The following TNKS variants were observed in gnomAD, a reference collection of about 807,000 sequenced individuals.
TNKS encodes the protein poly [ADP-ribose] polymerase tankyrase-1.
A neutral mutation model predicts 135.8 loss-of-function variants in TNKS; 72 were observed. That is an observed-to-expected ratio of 0.53 (90% confidence interval 0.44 to 0.64). The LOEUF (loss-of-function observed/expected upper bound fraction) is 0.64. TNKS is among the 30% of genes least tolerant of loss of function. The pLI, the probability that TNKS is intolerant of heterozygous loss-of-function variation, is 0.00. For missense variants in TNKS, 1,769 were observed against 1,674.0 expected, an observed-to-expected ratio of 1.06 and a Z score of -0.99; for synonymous variants, 849 against 649.3, an observed-to-expected ratio of 1.31 and a Z score of -4.68.
intron 3 of TNKS, among the ~76,000 whole-genome samples, chr8:9,651,393 G>C (rs1046882866): frequency 6.6e-6 from 1 of 151,970 alleles, no homozygotes; most frequent in Non-Finnish European, 1.5e-5. Flanking sequence ...GAATGCCATC[G>C]GTCAAAGACC....
chr8:9,644,448 G>C (rs1028982935), intron 3 of TNKS, among the ~76,000 whole-genome samples: 9 of 152,086 alleles, frequency 5.9e-5, no homozygotes, highest in Non-Finnish European at 8.8e-5. Flanking sequence ...GCTGCTACTT[G>C]CTTGAACCTA....
chr8:9,570,377 A>G (rs78598051), intron 1 of TNKS, among the ~76,000 whole-genome samples: 11,224 of 151,374 alleles, frequency 0.074, 459 homozygotes, highest in South Asian at 0.17. Flanking sequence ...CCCTGAGCCA[A>G]TGAATGAAAC....
At chr8:9,618,931 C>T (rs932270782) in intron 3 of TNKS, among the ~76,000 whole-genome samples, 4 of 152,264 alleles carry the variant, frequency 2.6e-5, no homozygotes, top group African/African-American at 7.2e-5. Flanking sequence ...CATAAATGTT[C>T]CCAAAGACAT....
At chr8:9,578,203 C>G (rs1373771213) in intron 1 of TNKS, among the ~76,000 whole-genome samples, 1 of 152,160 alleles carries the variant, frequency 6.6e-6, no homozygotes, top group Non-Finnish European at 1.5e-5. Context: ...TGCACTCAGG[C>G]TTTATTCAGA....
Position 9,556,796 on chromosome 8 carries a change from G to A in TNKS, c.673+184G>A, listed in dbSNP as rs113195916. The A allele has an allele frequency of 6.5e-5, 28 of 431,130 alleles. 3 individuals carry two copies. Among genetic ancestry groups the A allele is most frequent in the African/African-American group, 5.2e-4 (25 of 48,270 alleles). The allele number at this position is 431,130 out of a possible 1,614,324, so 26.7% of individuals were successfully genotyped here. ...CCTGGGTGATGGGGGCGTGGTTGGG[G>A]GGGATAAGTGAATCCAAGGAATTCT... On this transcript the variant is annotated intron_variant, in intron 1 of 26. Transcript: ENST00000310430.
At chr8:9,743,126 A>G (rs1259585469) in intron 17 of TNKS, among the ~76,000 whole-genome samples, 1 of 152,192 alleles carries the variant, frequency 6.6e-6, no homozygotes, top group East Asian at 1.9e-4. Flanking sequence ...GCCTGGCCAC[A>G]TATCATTTTG....
chr8:9,602,257 C>G (rs1052817699), intron 2 of TNKS, among the ~76,000 whole-genome samples: 2 of 152,070 alleles, frequency 1.3e-5, no homozygotes, highest in African/African-American at 4.8e-5. Context: ...TGATTACTTA[C>G]GTAGACAGCA....
intron 3 of TNKS, among the ~76,000 whole-genome samples, chr8:9,649,093 A>G (rs1028793079): frequency 1.3e-5 from 2 of 152,244 alleles, no homozygotes; most frequent in African/African-American, 4.8e-5. Context: ...AGAAATTATT[A>G]TAATCATATA....
At position 9,761,704 on chromosome 8, in the gene TNKS, A is replaced by C. The variant is rs978873573; in HGVS notation, c.3274+68A>C. On this transcript the variant is annotated intron_variant, in intron 21 of 26. Transcript: ENST00000310430. ...TACAAGGTAAGTATTGGGGCTGATA[A>C]TTGAACTCAGGCAGTCCAGTCCCAG... 6.6e-6 allele frequency: 10 copies of C among 1,520,456 alleles called. No homozygotes were observed. In the African/African-American group the frequency reaches 1.4e-4, roughly 22 times the overall value. 94.2% of individuals were successfully genotyped at this position (1,520,456 alleles called of 1,614,324 possible).
chr8:9,654,777 T>C (rs1047431215), intron 3 of TNKS, among the ~76,000 whole-genome samples: 1 of 152,206 alleles, frequency 6.6e-6, no homozygotes, highest in Non-Finnish European at 1.5e-5. Context: ...GGAGCCAAGA[T>C]GGCCGAATAG....
intron 1 of TNKS, among the ~76,000 whole-genome samples, chr8:9,576,187 T>C (rs1797936938): frequency 6.6e-6 from 1 of 152,188 alleles, no homozygotes; most frequent in Non-Finnish European, 1.5e-5. Context: ...TAGTATATTA[T>C]TTCCTGCCCA....
intron 3 of TNKS, among the ~76,000 whole-genome samples, chr8:9,635,366 G>T (rs1209189386): frequency 6.6e-6 from 1 of 152,118 alleles, no homozygotes; most frequent in Non-Finnish European, 1.5e-5. Context: ...ATACATGAAC[G>T]AATGGGGAGG....
At chr8:9,719,812 A>G (rs1804787088) in intron 11 of TNKS, among the ~76,000 whole-genome samples, 1 of 152,206 alleles carries the variant, frequency 6.6e-6, no homozygotes, top group South Asian at 2.1e-4. Flanking sequence ...TCCTGTGTAT[A>G]ATAACTCTTC....
chr8:9,586,205 A>G (rs35017872), intron 2 of TNKS, among the ~76,000 whole-genome samples: 16,764 of 152,212 alleles, frequency 0.11, 1,340 homozygotes, highest in Admixed American at 0.24. Context: ...ATGCAAGAAA[A>G]AATAGAGATC....
chr8:9,731,556 A>G (rs926350633), intron 14 of TNKS, among the ~76,000 whole-genome samples: 11 of 151,980 alleles, frequency 7.2e-5, no homozygotes, highest in Admixed American at 7.2e-4. Context: ...ACAGCATTCA[A>G]ATGTTGACCT....
At chr8:9,589,536 T>C (rs1053258237) in intron 2 of TNKS, among the ~76,000 whole-genome samples, 1 of 152,220 alleles carries the variant, frequency 6.6e-6, no homozygotes, top group East Asian at 1.9e-4. Flanking sequence ...TGGCTTCAAG[T>C]CCACTCTTGT....
At position 9,733,375 on chromosome 8, in the gene TNKS, A is replaced by G. The variant is rs75390657; in HGVS notation, c.2244A>G (p.Leu748=). 1.5e-4 allele frequency: 245 copies of G among 1,613,348 alleles called. 1 individual carries two copies. The East Asian group carries it at 2.2e-3, about 15-fold the overall frequency. ...RHGASVNVAD[L]WKFTPLHEAA... is the part of the protein sequence containing the mutation. ...GGGCTTCTGTCAATGTGGCGGACTT[A>G]TGGAAATTTACCCCTCTCCATGAAG... Residue 748 remains leucine (L), a synonymous_variant, in exon 15 of 27, where the codon TTA becomes TTG. Transcript: ENST00000310430.
At chr8:9,580,671 G>T (rs1440444961) in intron 2 of TNKS, among the ~76,000 whole-genome samples, 1 of 152,042 alleles carries the variant, frequency 6.6e-6, no homozygotes, top group Non-Finnish European at 1.5e-5. Flanking sequence ...TTTAAAGACT[G>T]GACATTTTCT....
intron 2 of TNKS, among the ~76,000 whole-genome samples, chr8:9,598,761 GTGTGTATA>G (rs1427325030): frequency 1.0e-4 from 7 of 67,252 alleles, no homozygotes; most frequent in African/African-American, 4.0e-4. Context: ...GTATATGTGT[GTGTGTATA>G]TATATATATA....
Sources: allele counts gnomAD v4.1 joint callset (sites outside exome capture counted in the v4.1 genomes callset), GRCh38; gene constraint gnomAD v4.1.1; transcripts MANE v1.5; gene names NCBI Gene and HGNC (gene_info 2026-07-23, HGNC 2026-07-21).